The following SP1 variants were observed in gnomAD, a reference collection of about 807,000 sequenced individuals.
The protein encoded by SP1 is transcription factor Sp1.
In SP1, 6 loss-of-function variants were observed where a neutral mutation model predicts 66.3. The observed-to-expected ratio is 0.09, with a 90% CI of 0.05 to 0.18. The LOEUF (loss-of-function observed/expected upper bound fraction) is 0.18, where lower values mean the gene tolerates loss of function less well. Ranked by LOEUF, SP1 falls within the 10% of genes least tolerant of loss-of-function variation. The pLI is 1.00. For synonymous variants in SP1, 417 were observed against 360.8 expected, an observed-to-expected ratio of 1.16 and a Z score of -1.77; for missense variants, 848 against 964.5, an observed-to-expected ratio of 0.88 and a Z score of 1.60.
At chr12:53,408,499 C>A (rs543024141) in intron 4 of SP1, among the ~76,000 whole-genome samples, 6 of 151,518 alleles carry the variant, frequency 4.0e-5, no homozygotes, top group Non-Finnish European at 7.4e-5. Context: ...GCCATGTTGG[C>A]CAGGCTGGTC....
intron 4 of SP1, among the ~76,000 whole-genome samples, chr12:53,409,088 G>A (rs1387754537): frequency 6.6e-6 from 1 of 151,640 alleles, no homozygotes; most frequent in Non-Finnish European, 1.5e-5. Context: ...AGCTGGGCAT[G>A]GTGGTGTGCA....
At position 53,383,605 on chromosome 12, in the gene SP1, C is replaced by T. The variant is rs1248159161; in HGVS notation, c.1658C>T (p.Ala553Val). ...QVHPIQGLPLAIANAPGDHGA... is the reference protein window; with the variant it reads ...QVHPIQGLPLVIANAPGDHGA... ...CACCCAATTCAAGGCCTGCCGTTGG[C>T]TATAGCAAATGCCCCAGGTAAGATT... Residue 553 changes from alanine to valine, a missense_variant, in exon 3 of 6, where the codon GCT (alanine) becomes GTT (valine). By Grantham distance (64) the Ala-to-Val change is moderately conservative. Coordinates refer to ENST00000327443, the MANE Select transcript of SP1 (RefSeq NM_138473.3). 1.9e-6 allele frequency: 3 copies of T among 1,606,842 alleles called. No homozygotes were observed. The highest frequency in any genetic ancestry group is 2.6e-6 in the Non-Finnish European group (3 of 1,176,330).
chr12:53,408,931 GA>G (rs369913950), intron 4 of SP1, among the ~76,000 whole-genome samples: 442 of 150,552 alleles, frequency 2.9e-3, no homozygotes, highest in African/African-American at 0.01. Flanking sequence ...ACAAAAAAAA[GA>G]AGCCTTGGTC....
chr12:53,385,133 A>G (rs539191434), intron 3 of SP1, among the ~76,000 whole-genome samples: 3 of 151,530 alleles, frequency 2.0e-5, no homozygotes, highest in Admixed American at 6.6e-5. Flanking sequence ...CTTCTCTACT[A>G]AAAATAAAAA....
At chr12:53,399,341 T>C (rs1938555947) in intron 3 of SP1, among the ~76,000 whole-genome samples, 2 of 128,978 alleles carry the variant, frequency 1.6e-5, no homozygotes, top group South Asian at 2.2e-4. Context: ...TTTTTGTTTT[T>C]GTTTTTTTTT....
At chr12:53,381,347 T>A (rs1938093151) in intron 1 of SP1, 1 of 202,156 alleles carries the variant, frequency 4.9e-6, no homozygotes, top group Admixed American at 5.8e-5. Flanking sequence ...TCCCTTAGGA[T>A]ACTTTTTCTT....
chr12:53,388,073 A>T (rs1938269536), intron 3 of SP1, among the ~76,000 whole-genome samples: 1 of 152,328 alleles, frequency 6.6e-6, no homozygotes, highest in East Asian at 1.9e-4. Flanking sequence ...ATTTATAAAA[A>T]TGTTTTATAA....
At chr12:53,399,145 T>G (rs1938552133) in intron 3 of SP1, among the ~76,000 whole-genome samples, 1 of 152,334 alleles carries the variant, frequency 6.6e-6, no homozygotes, top group South Asian at 2.1e-4. Context: ...ATTACTAGAA[T>G]TAACTTAACC....
intron 3 of SP1, among the ~76,000 whole-genome samples, chr12:53,391,190 C>T (rs534494927): frequency 6.6e-6 from 1 of 152,104 alleles, no homozygotes; most frequent in South Asian, 2.1e-4. Context: ...TTATCCTTTT[C>T]TTTAACATTT....
intron 3 of SP1, among the ~76,000 whole-genome samples, chr12:53,390,677 C>T (rs971434222): frequency 1.5e-4 from 22 of 150,938 alleles, no homozygotes; most frequent in African/African-American, 3.9e-4. Context: ...AGCTAGATTC[C>T]GTCTCAAAAA....
chr12:53,380,430 C>G, intron 1 of SP1, 132 bp downstream of exon 1: 3 of 807,322 alleles, frequency 3.7e-6, no homozygotes, highest in Non-Finnish European at 3.4e-6. Flanking sequence ...TAGGTCCCGC[C>G]CGGGGCGGAG....
At chr12:53,410,016 AAAGG>A (rs1299180732) in intron 5 of SP1, among the ~76,000 whole-genome samples, 1 of 147,838 alleles carries the variant, frequency 6.8e-6, no homozygotes, top group Non-Finnish European at 1.5e-5. Flanking sequence ...TCTCAAAAAA[AAAGG>A]AAGGAGCCAG....
Position 53,406,704 on chromosome 12 carries a change from A to T in SP1, c.1795A>T (p.Thr599Ser). The change falls in exon 4 of 6, where the codon ACC becomes TCC. Residue 599 changes from threonine (T) to serine (S), a missense_variant. By Grantham distance (58) the Thr-to-Ser change is moderately conservative. Coordinates refer to ENST00000327443, the MANE Select transcript of SP1 (RefSeq NM_138473.3). ...TGCCCAACCCCAAGCCGGTCGGAGGACCCGGCGGGAAGCATGCACCTGCCC... is the reference window on the plus strand; with the variant it reads ...TGCCCAACCCCAAGCCGGTCGGAGGTCCCGGCGGGAAGCATGCACCTGCCC... ...PDAQPQAGRR[T>S]RREACTCPYC... 6.2e-7 allele frequency: 1 copy of T among 1,614,024 alleles called. No individual in the cohort carries two copies. The highest frequency in any genetic ancestry group is 2.2e-5 in the East Asian group (1 of 44,890).
rs1230811290 is a variant in SP1 at position 53,383,306 on chromosome 12, A to C, written c.1359A>C (p.Thr453=). ...ACTCTGGTCCCATCATCATCCGGAC[A>C]CCAACAGTGGGGCCCAATGGACAGG... is the stretch of plus-strand genomic sequence containing the variant. ...VPNSGPIIIR[T]PTVGPNGQVS... The change falls in exon 3 of 6, where the codon ACA becomes ACC. Residue 453 remains threonine, a synonymous_variant. Coordinates refer to ENST00000327443, the MANE Select transcript of SP1 (RefSeq NM_138473.3). 1 of 1,614,178 alleles carries C rather than the reference A, an allele frequency of 6.2e-7. No individual in the cohort carries two copies. The highest frequency in any genetic ancestry group is 2.2e-5 in the East Asian group (1 of 44,886).
intron 3 of SP1, among the ~76,000 whole-genome samples, chr12:53,398,518 A>G (rs1246984758): frequency 6.6e-6 from 1 of 152,130 alleles, no homozygotes; most frequent in African/African-American, 2.4e-5. Context: ...TGTGACCTCA[A>G]GTGATTCACC....
At chr12:53,394,115 T>G (rs979670193) in intron 3 of SP1, among the ~76,000 whole-genome samples, 3 of 151,844 alleles carry the variant, frequency 2.0e-5, no homozygotes, top group Non-Finnish European at 4.4e-5. Context: ...CTCAGGAGGC[T>G]GAGGCAGGAG....
At chr12:53,384,807 A>G (rs1938188754) in intron 3 of SP1, among the ~76,000 whole-genome samples, 1 of 151,598 alleles carries the variant, frequency 6.6e-6, no homozygotes. Context: ...CAACATGGCG[A>G]AACCCTGTCT....
At chr12:53,401,019 C>T (rs1459066462) in intron 3 of SP1, among the ~76,000 whole-genome samples, 6 of 151,712 alleles carry the variant, frequency 4.0e-5, no homozygotes, top group African/African-American at 1.5e-4. Context: ...GTCTCAGGCT[C>T]CTAAAGACCA....
chr12:53,405,955 C>G (rs1422286215), intron 3 of SP1, among the ~76,000 whole-genome samples: 1 of 151,094 alleles, frequency 6.6e-6, no homozygotes, highest in Admixed American at 6.6e-5. Flanking sequence ...ACATATGTAA[C>G]CTACACGTTG....
Sources: allele counts gnomAD v4.1 joint callset (sites outside exome capture counted in the v4.1 genomes callset), GRCh38; gene constraint gnomAD v4.1.1; transcripts MANE v1.5; gene names NCBI Gene and HGNC (gene_info 2026-07-23, HGNC 2026-07-21).